The following IGFBP7 variants were observed in gnomAD, a reference collection of about 807,000 sequenced individuals.
IGFBP7 encodes insulin like growth factor binding protein 7.
In IGFBP7, 31 loss-of-function variants were observed where a neutral mutation model predicts 29.4. That is an observed-to-expected ratio of 1.05 (90% CI 0.79 to 1.42). The LOEUF (loss-of-function observed/expected upper bound fraction) is 1.42. Ranked by LOEUF, IGFBP7 falls within the 40% of genes most tolerant of loss-of-function variation. IGFBP7 has a pLI of 0.00. For missense variants in IGFBP7, 393 were observed against 395.5 expected (o/e 0.99, Z 0.05); for synonymous variants, 172 against 174.9 (o/e 0.98, Z 0.13).
At chr4:57,041,905 T>C (rs966543264) in intron 1 of IGFBP7, among the ~76,000 whole-genome samples, 1 of 152,004 alleles carries the variant, frequency 6.6e-6, no homozygotes, top group Non-Finnish European at 1.5e-5. Context: ...CTTCTTCCAG[T>C]GTGCTCAGGA....
chr4:57,106,326 C>T (rs1726031742), intron 1 of IGFBP7, among the ~76,000 whole-genome samples: 1 of 152,100 alleles, frequency 6.6e-6, no homozygotes, highest in African/African-American at 2.4e-5. Context: ...AATCATCATG[C>T]TTATGAACTA....
intron 1 of IGFBP7, among the ~76,000 whole-genome samples, chr4:57,066,184 G>GAATAAA (rs961683873): frequency 1.4e-4 from 22 of 152,178 alleles, no homozygotes; most frequent in Non-Finnish European, 2.9e-4. Flanking sequence ...TGACGCACTT[G>GAATAAA]AATAAAATAC....
In IGFBP7 at chr4:57,110,369, G is replaced by A. The variant is rs1377413462; in HGVS notation, c.-18C>T. The A allele has an allele frequency of 9.8e-6, 13 of 1,327,788 alleles. 1 individual carries two copies. The South Asian group carries it at 1.2e-4, about 12-fold the overall frequency. The allele number at this position is 1,327,788 out of a possible 1,614,324, so 82.3% of individuals were successfully genotyped here. ...CGCTCCATGGCGGGGTGCGGTGGCA[G>A]CGGCAAGGGCGCGAGTGAGCCGTGT... On this transcript the variant is annotated 5_prime_UTR_variant, in exon 1 of 5. Coordinates refer to ENST00000295666, the MANE Select transcript of IGFBP7 (RefSeq NM_001553.3).
chr4:57,107,647 C>T (rs1726065456), intron 1 of IGFBP7, among the ~76,000 whole-genome samples: 1 of 152,196 alleles, frequency 6.6e-6, no homozygotes, highest in African/African-American at 2.4e-5. Flanking sequence ...CCATTTAGAA[C>T]TCATCTCTCT....
At chr4:57,034,841 TAGTG>T (rs562858208) in intron 2 of IGFBP7, among the ~76,000 whole-genome samples, 305 of 152,310 alleles carry the variant, frequency 2.0e-3, no homozygotes, top group African/African-American at 6.9e-3. Context: ...TTGCCACTAT[TAGTG>T]AGAGAAAACC....
intron 1 of IGFBP7, among the ~76,000 whole-genome samples, chr4:57,089,031 CAAAAAAAT>C (rs1195224969): frequency 2.0e-5 from 2 of 99,484 alleles, no homozygotes; most frequent in Non-Finnish European, 4.0e-5. Context: ...GACTCTGTCT[CAAAAAAAT>C]AAAAAAAAAA....
chr4:57,031,263 A>T lies in IGFBP7; in HGVS notation c.*54T>A. ...GAAACTTATTAGGCAAGAACAGGTA[A>T]TGTAGTTATCCATGACTACTTTTAA... is the stretch of plus-strand genomic sequence containing the variant. On this transcript the variant is annotated 3_prime_UTR_variant, in exon 5 of 5. Transcript: ENST00000295666. 2 of 1,432,710 alleles carry T rather than the reference A, an allele frequency of 1.4e-6. No homozygotes were observed. The highest frequency in any genetic ancestry group is 2.3e-5 in the South Asian group (2 of 86,958). The allele number at this position is 1,432,710 out of a possible 1,614,324, so 88.7% of individuals were successfully genotyped here.
chr4:57,062,186 G>A (rs181537025), intron 1 of IGFBP7, among the ~76,000 whole-genome samples: 71 of 152,196 alleles, frequency 4.7e-4, no homozygotes, highest in African/African-American at 1.6e-3. Flanking sequence ...TACATAATCC[G>A]TATGGCTGGA....
At chr4:57,107,852 A>G (rs928870493) in intron 1 of IGFBP7, among the ~76,000 whole-genome samples, 1 of 152,234 alleles carries the variant, frequency 6.6e-6, no homozygotes, top group African/African-American at 2.4e-5. Context: ...GTCAGTCTCA[A>G]TATTTTATAA....
chr4:57,090,213 G>A (rs1725602380), intron 1 of IGFBP7, among the ~76,000 whole-genome samples: 1 of 152,120 alleles, frequency 6.6e-6, no homozygotes, highest in African/African-American at 2.4e-5. Context: ...CTTATATGTT[G>A]AGGGATTGAT....
In IGFBP7 at chr4:57,054,635, CTCACAAAAAAAAA is replaced by C. The variant is rs1300578062; in HGVS notation, c.476-13715_476-13703del. Among the ~76,000 whole-genome samples the C allele has an allele frequency of 1.5e-3, 10 of 6,478 alleles. No homozygotes were observed. The East Asian group carries it at 0.088, about 57-fold the overall frequency. The allele number at this position is 6,478 out of a possible 152,430, so 4.2% of individuals were successfully genotyped here. On this transcript the variant is annotated intron_variant, in intron 1 of 4. Transcript: ENST00000295666. ...GCCTGGCGACAGAGCGAGGCTCTCT[CTCACAAAAAAAAA>C]AAAAAAAAAAAAAAAAAGAAGAAGA...
At chr4:57,056,257 C>T (rs1307281126) in intron 1 of IGFBP7, among the ~76,000 whole-genome samples, 1 of 152,178 alleles carries the variant, frequency 6.6e-6, no homozygotes, top group Non-Finnish European at 1.5e-5. Flanking sequence ...TTTCTCTCAG[C>T]TTCCTAGCAG....
At chr4:57,038,337 A>G (rs2109740297) in intron 2 of IGFBP7, among the ~76,000 whole-genome samples, 1 of 152,344 alleles carries the variant, frequency 6.6e-6, no homozygotes, top group African/African-American at 2.4e-5. Flanking sequence ...CCCACTGCAT[A>G]GGAAGCTTTC....
chr4:57,110,253 G>A lies in IGFBP7; in HGVS notation c.99C>T (p.Gly33=). 1 of 1,413,568 alleles carries A rather than the reference G, an allele frequency of 7.1e-7. No homozygotes were observed. The highest frequency in any genetic ancestry group is 1.5e-5 in the South Asian group (1 of 67,856). The allele number at this position is 1,413,568 out of a possible 1,614,324, so 87.6% of individuals were successfully genotyped here. A position where few individuals can be genotyped will look rare whatever the true frequency, so the allele number is the denominator to read the frequency against. ...LSSSSSSDTC[G]PCEPASCPPL... The stretch of plus-strand genomic sequence containing the variant: ...GCGGGCAGGAGGCCGGCTCGCAGGG[G>A]CCGCAGGTGTCCGAAGAGGAGGAAG... The change falls in exon 1 of 5, where the codon GGC becomes GGT. Residue 33 remains glycine (G), a synonymous_variant. Transcript: ENST00000295666.
rs886954894 is a variant in IGFBP7 at position 57,092,013 on chromosome 4, T to G, written c.475+17864A>C. Among the ~76,000 whole-genome samples, 10 of 152,314 alleles carry G rather than the reference T, an allele frequency of 6.6e-5. No homozygotes were observed. In the East Asian group the frequency reaches 1.9e-3, roughly 29 times the overall value. ...TGCAGGGAAGTTGCATTTAAAGAGC[T>G]GCTGAGATTCAACCTGGAGGTATGC... On this transcript the variant is annotated intron_variant, in intron 1 of 4. Transcript: ENST00000295666.
At chr4:57,071,313 T>C (rs1322391441) in intron 1 of IGFBP7, among the ~76,000 whole-genome samples, 1 of 152,208 alleles carries the variant, frequency 6.6e-6, no homozygotes, top group Non-Finnish European at 1.5e-5. Context: ...TGAATATACA[T>C]ACATCTCAGC....
intron 1 of IGFBP7, among the ~76,000 whole-genome samples, chr4:57,053,824 C>G (rs1475314251): frequency 1.3e-5 from 2 of 152,174 alleles, no homozygotes; most frequent in African/African-American, 4.8e-5. Context: ...TCTCATGGGC[C>G]TGTCCTGTCT....
chr4:57,062,788 C>G (rs143893343), intron 1 of IGFBP7, among the ~76,000 whole-genome samples: 11 of 152,288 alleles, frequency 7.2e-5, no homozygotes, highest in Admixed American at 2.0e-4. Context: ...AATGTTAACA[C>G]TTAGTAAACA....
intron 1 of IGFBP7, among the ~76,000 whole-genome samples, chr4:57,105,361 T>G (rs1725998205): frequency 6.6e-6 from 1 of 152,246 alleles, no homozygotes. Context: ...ATTCATAGGT[T>G]GATTCATTCA....
Sources: allele counts gnomAD v4.1 joint callset (sites outside exome capture counted in the v4.1 genomes callset), GRCh38; gene constraint gnomAD v4.1.1; transcripts MANE v1.5; gene names NCBI Gene and HGNC (gene_info 2026-07-23, HGNC 2026-07-21).